Variants in IPO5 observed in about 807,000 individuals in gnomAD.
IPO5 encodes importin 5.
A neutral mutation model predicts 143.3 loss-of-function variants in IPO5; 18 were observed. The ratio of observed to expected loss-of-function variants is 0.13; its 90% CI spans 0.09 to 0.19. The LOEUF (loss-of-function observed/expected upper bound fraction) is 0.19, where lower values mean the gene tolerates loss of function less well. IPO5 is among the 10% of genes least tolerant of loss of function. IPO5 has a pLI of 1.00. For synonymous variants in IPO5, 477 were observed against 465.7 expected, an observed-to-expected ratio of 1.02 and a Z score of -0.31; for missense variants, 1,013 against 1,336.9, an observed-to-expected ratio of 0.76 and a Z score of 3.78.
At chr13:97,976,557 T>TCCCGCGCGGCCCCCCGCAAGC in intron 3 of IPO5, 136 bp from the exon 4 acceptor site, 1 of 171,432 alleles carries the variant, frequency 5.8e-6, no homozygotes, top group Non-Finnish European at 1.2e-5. Context: ...GCCCCGCCCT[T>TCCCGCGCGGCCCCCCGCAAGC]CCCGCGCGGC....
At chr13:97,954,049 G>A (rs1309353291) in intron 1 of IPO5, 70 bp from the exon 2 acceptor site, 1 of 354,338 alleles carries the variant, frequency 2.8e-6, no homozygotes, top group African/African-American at 2.1e-5. Context: ...CCAAAAGAAT[G>A]TGGGTTATTA....
chr13:97,999,096 T>C (rs957110274), intron 12 of IPO5, among the ~76,000 whole-genome samples: 52 of 152,066 alleles, frequency 3.4e-4, no homozygotes, highest in African/African-American at 1.2e-3. Context: ...TGAGCTGAGA[T>C]CACGTCATTG....
chr13:97,993,526 A>G (rs1010661368), intron 11 of IPO5, among the ~76,000 whole-genome samples: 10 of 152,216 alleles, frequency 6.6e-5, no homozygotes, highest in Middle Eastern at 3.2e-3. Flanking sequence ...GTCAAAAACA[A>G]TTCAGCGGGG....
intron 3 of IPO5, among the ~76,000 whole-genome samples, chr13:97,973,751 T>C (rs1886027582): frequency 6.6e-6 from 1 of 152,200 alleles, no homozygotes; most frequent in Non-Finnish European, 1.5e-5. Flanking sequence ...GAAATAATCT[T>C]AGGTTTACGC....
Position 98,021,894 on chromosome 13 carries a change from T to A in IPO5, c.*72T>A. Reference sequence around the variant, plus strand: ...TACCCTTTCCTTTAGGTTTCTTTGTTTTGTTTTTGAGCAAAAGAGATCGGT... The same window carrying A: ...TACCCTTTCCTTTAGGTTTCTTTGTATTGTTTTTGAGCAAAAGAGATCGGT... On this transcript the variant is annotated 3_prime_UTR_variant, in exon 29 of 29. Transcript: ENST00000651721. 1 of 1,135,316 alleles carries A rather than the reference T, an allele frequency of 8.8e-7. No individual in the cohort carries two copies. Among genetic ancestry groups the A allele is most frequent in the South Asian group, 1.4e-5 (1 of 72,126 alleles). 70.3% of individuals were successfully genotyped at this position (1,135,316 alleles called of 1,614,324 possible).
chr13:98,009,145 A>T (rs1400133770), intron 18 of IPO5, among the ~76,000 whole-genome samples: 1 of 152,188 alleles, frequency 6.6e-6, no homozygotes, highest in East Asian at 1.9e-4. Context: ...CTGGCATGTG[A>T]GAAACACCCA....
At chr13:97,987,820 T>A (rs1206462292) in intron 6 of IPO5, among the ~76,000 whole-genome samples, 4 of 152,242 alleles carry the variant, frequency 2.6e-5, no homozygotes, top group Admixed American at 2.6e-4. Flanking sequence ...TGAATATTTT[T>A]AAATTGTTTA....
At chr13:97,982,824 T>A (rs1038979707) in intron 5 of IPO5, among the ~76,000 whole-genome samples, 2 of 152,242 alleles carry the variant, frequency 1.3e-5, no homozygotes, top group African/African-American at 4.8e-5. Flanking sequence ...AGATGAAGAT[T>A]AATGGTTTTA....
intron 5 of IPO5, among the ~76,000 whole-genome samples, chr13:97,983,202 T>C (rs1887003012): frequency 6.6e-6 from 1 of 152,242 alleles, no homozygotes; most frequent in African/African-American, 2.4e-5. Context: ...CTAAAAGTTT[T>C]CTTTCCTTGA....
chr13:97,999,417 C>T (rs1024682033), intron 12 of IPO5, among the ~76,000 whole-genome samples: 2 of 152,148 alleles, frequency 1.3e-5, no homozygotes, highest in Non-Finnish European at 2.9e-5. Context: ...TAATGTGCTG[C>T]TACCTGTCCT....
chr13:97,990,567 T>G, intron 9 of IPO5, 30 bp downstream of exon 9: 1 of 1,258,836 alleles, frequency 7.9e-7, no homozygotes, highest in Admixed American at 2.4e-5. Context: ...TAAATCATAA[T>G]TATATCTTAT....
At chr13:97,982,466 A>G (rs751111400) in intron 4 of IPO5, 37 bp from the exon 5 acceptor site, 70 of 1,400,072 alleles carry the variant, frequency 5.0e-5, no homozygotes, top group Non-Finnish European at 6.7e-5. Context: ...GAAGTTTCCT[A>G]ACATTCTTTC....
In IPO5 at chr13:98,011,876, G is replaced by A. The variant is rs189931473; in HGVS notation, c.2056-370G>A. 4.6e-5 allele frequency among the ~76,000 whole-genome samples: 7 copies of A among 152,254 alleles called. No homozygotes were observed. The East Asian group carries it at 1.4e-3, about 29-fold the overall frequency. ...TACAAAGTAAATGCTTCAATTAACT[G>A]ATGGTTTCAGGGTTTTTTGTATCTT... On this transcript the variant is annotated intron_variant, in intron 20 of 28. Coordinates refer to ENST00000651721, the MANE Select transcript of IPO5 (RefSeq NM_002271.6).
intron 21 of IPO5, among the ~76,000 whole-genome samples, 163 bp downstream of exon 21, chr13:98,012,505 T>C (rs941149717): frequency 1.3e-5 from 2 of 152,222 alleles, no homozygotes; most frequent in African/African-American, 4.8e-5. Context: ...TGTGCCTTTG[T>C]TTCCACTTGT....
At chr13:97,970,476 C>A (rs954208477) in intron 3 of IPO5, among the ~76,000 whole-genome samples, 4 of 152,024 alleles carry the variant, frequency 2.6e-5, no homozygotes, top group Admixed American at 1.3e-4. Context: ...AAAAAATTAG[C>A]CGGGCATGGT....
rs572669446 is a variant in IPO5, at chr13:98,003,968, G to C, written c.1497+931G>C. ...GAGTATCCAAGTAAAAATGATTATAGTTACAGCTGAAATAAGGGATGCAAC... is the reference window on the plus strand; with the variant it reads ...GAGTATCCAAGTAAAAATGATTATACTTACAGCTGAAATAAGGGATGCAAC... On this transcript the variant is annotated intron_variant, in intron 16 of 28. Coordinates refer to ENST00000651721, the MANE Select transcript of IPO5 (RefSeq NM_002271.6). Among the ~76,000 whole-genome samples, 15 of 152,322 alleles carry C rather than the reference G, an allele frequency of 9.8e-5. 1 individual carries two copies. The South Asian group carries it at 2.9e-3, about 29-fold the overall frequency.
intron 12 of IPO5, among the ~76,000 whole-genome samples, chr13:97,998,763 A>C (rs1888512116): frequency 6.6e-6 from 1 of 152,172 alleles, no homozygotes; most frequent in Non-Finnish European, 1.5e-5. Flanking sequence ...GATTTGTCTG[A>C]GGTTATGTAG....
rs760432194 is a variant in IPO5, at chr13:97,990,438, G to A, written c.570G>A (p.Arg190=). 9.4e-6 allele frequency: 15 copies of A among 1,594,464 alleles called. No homozygotes were observed. In the African/African-American group the frequency reaches 2.0e-4, roughly 22 times the overall value. The change falls in exon 9 of 29, where the codon AGG becomes AGA. Residue 190 remains arginine (R), a synonymous_variant. Transcript: ENST00000651721. ...CMQDQEHPSI[R]TLSARATAAF... Reference sequence around the variant, plus strand: ...TTTTTTCCTCTTGATTTTAGATCAGGACGTTATCTGCTAGAGCTACAGCTG... The same window carrying A: ...TTTTTTCCTCTTGATTTTAGATCAGAACGTTATCTGCTAGAGCTACAGCTG...
At chr13:98,019,877 A>T (rs970543590) in intron 27 of IPO5, 68 bp downstream of exon 27, 1 of 1,048,326 alleles carries the variant, frequency 9.5e-7, no homozygotes, top group East Asian at 2.4e-5. Flanking sequence ...CTTGCCTAAC[A>T]TCAGTCTTTT....
Sources: gnomAD v4.1 joint callset for allele counts (sites outside exome capture counted in the v4.1 genomes callset) on GRCh38, gnomAD v4.1.1 for gene constraint, MANE v1.5 for transcripts, NCBI Gene and HGNC (gene_info 2026-07-23, HGNC 2026-07-21) for gene names.